The following DMD variants were observed in gnomAD, a reference collection of about 807,000 sequenced individuals.
The protein encoded by DMD is mutant dystrophin.
A neutral mutation model predicts 330.1 loss-of-function variants in DMD; 63 were observed. That is an observed-to-expected ratio of 0.19 (90% CI 0.16 to 0.24). The LOEUF (loss-of-function observed/expected upper bound fraction) is 0.24, where lower values mean the gene tolerates loss of function less well. Ranked by LOEUF, DMD falls within the 10% of genes least tolerant of loss-of-function variation. The probability of loss-of-function intolerance (pLI) is 1.00; values close to 1 mark genes in which losing one functional copy is unlikely to be tolerated. For missense variants in DMD, 3,344 were observed against 2,684.1 expected (o/e 1.25, Z -5.43); for synonymous variants, 1,223 against 959.8 (o/e 1.27, Z -5.07).
intron 2 of DMD, among the ~76,000 whole-genome samples, chrX:32,920,109 A>G (rs2088248433): frequency 8.9e-6 from 1 of 111,828 alleles, no homozygotes; most frequent in Admixed American, 9.6e-5. Context: ...ATGGATAAAG[A>G]TAATCACTAT....
intron 60 of DMD, among the ~76,000 whole-genome samples, chrX:31,384,016 A>G (rs763968304): frequency 8.9e-6 from 1 of 112,160 alleles, no homozygotes; most frequent in South Asian, 3.7e-4. Flanking sequence ...TGAGCTGTTA[A>G]CACTTAAGCC....
rs2097091480 is a variant in DMD, at chrX:32,210,925, C to A, written c.6438+5991G>T. On this transcript the variant is annotated intron_variant, in intron 44 of 78. Coordinates refer to ENST00000357033, the MANE Select transcript of DMD (RefSeq NM_004006.3). The stretch of plus-strand genomic sequence containing the variant: ...TTGTCTCAAACTTTTGAGCAGGAGT[C>A]ACTCCAACTCCATTGTGCTCTCTGA... Among the ~76,000 whole-genome samples, 4 of 111,705 alleles carry A rather than the reference C, an allele frequency of 3.6e-5. No individual in the cohort carries two copies. The South Asian group carries it at 1.5e-3, about 42-fold the overall frequency.
At chrX:33,078,285 T>G (rs1423437669) in intron 1 of DMD, among the ~76,000 whole-genome samples, 1 of 112,057 alleles carries the variant, frequency 8.9e-6, no homozygotes, top group East Asian at 2.8e-4. Context: ...CTTTGATTCT[T>G]TAAAGGAAGC....
intron 42 of DMD, among the ~76,000 whole-genome samples, 182 bp from the exon 43 acceptor site, chrX:32,287,883 A>T (rs757319385): frequency 1.6e-3 from 182 of 110,571 alleles, no homozygotes; most frequent in African/African-American, 4.7e-3. Flanking sequence ...TCAATAGGTA[A>T]ATCACAGACC....
intron 21 of DMD, among the ~76,000 whole-genome samples, chrX:32,483,820 C>CGAA (rs1557379898): frequency 2.7e-5 from 1 of 37,269 alleles, no homozygotes; most frequent in Non-Finnish European, 4.3e-5. Context: ...CTCTGAAGTA[C>CGAA]AAAAAAAAAA....
chrX:32,363,660 C>T (rs1226961184), intron 36 of DMD, among the ~76,000 whole-genome samples: 1 of 111,814 alleles, frequency 8.9e-6, no homozygotes, highest in African/African-American at 3.2e-5. Context: ...TCAAAATAAG[C>T]TTCAGACAAT....
At position 32,730,363 on chromosome X, in the gene DMD, T is replaced by C. The variant is rs149621371; in HGVS notation, c.650-31070A>G. 1.9e-4 allele frequency among the ~76,000 whole-genome samples: 21 copies of C among 111,862 alleles called. No individual in the cohort carries two copies. The East Asian group carries it at 5.3e-3, about 28-fold the overall frequency. Reference sequence around the variant, plus strand: ...CTTGTCTCTTAAAATAAATAAAATGTAATGGTGCCATAAGTAAATGCATAG... The same window carrying C: ...CTTGTCTCTTAAAATAAATAAAATGCAATGGTGCCATAAGTAAATGCATAG... On this transcript the variant is annotated intron_variant, in intron 7 of 78. Coordinates refer to ENST00000357033, the MANE Select transcript of DMD (RefSeq NM_004006.3).
intron 43 of DMD, among the ~76,000 whole-genome samples, chrX:32,251,075 G>T (rs1440189529): frequency 2.7e-5 from 3 of 110,143 alleles, no homozygotes; most frequent in Non-Finnish European, 3.8e-5. Context: ...AGCATTAGGA[G>T]AAATACCTAA....
rs976782785 is a variant in DMD at position 31,658,095 on chromosome X, T to G, written c.7922A>C (p.Asn2641Thr). The G allele has an allele frequency of 8.3e-7, 1 of 1,211,966 alleles. No homozygotes were observed. The highest frequency in any genetic ancestry group is 3.0e-5 in the East Asian group (1 of 33,863). ...CCGGAGAAGTTTCAGGGCCAAGTCA[T>G]TTGCCACATCTACATTTGTCTGCCA... Reference protein sequence around the residue: ...RQWQTNVDVANDLALKLLRDY... With the variant: ...RQWQTNVDVATDLALKLLRDY... Residue 2641 changes from asparagine to threonine, a missense_variant, in exon 54 of 79, where the codon AAT (asparagine) becomes ACT (threonine). Physicochemically the swap from Asn to Thr is moderately conservative, Grantham distance 65. Coordinates refer to ENST00000357033, the MANE Select transcript of DMD (RefSeq NM_004006.3).
At chrX:31,691,471 T>A (rs1368697873) in intron 52 of DMD, among the ~76,000 whole-genome samples, 1 of 110,946 alleles carries the variant, frequency 9.0e-6, no homozygotes, top group East Asian at 2.8e-4. Context: ...AACTCTCCAA[T>A]CAAAAGGCAT....
chrX:32,003,028 C>A (rs1249323630), intron 44 of DMD, among the ~76,000 whole-genome samples: 2 of 111,723 alleles, frequency 1.8e-5, no homozygotes, highest in Admixed American at 1.9e-4. Flanking sequence ...TTTTCTCCTT[C>A]AGAGCATATT....
rs1315001276 is a variant in DMD at position 32,565,845 on chromosome X, T to C, written c.1849A>G (p.Met617Val). 7 of 1,209,950 alleles carry C rather than the reference T, an allele frequency of 5.8e-6. No homozygotes were observed. Among genetic ancestry groups the C allele is most frequent in the Non-Finnish European group, 7.8e-6 (7 of 895,105 alleles). ...KADLEKKKQS[M>V]GKLYSLKQDL... ...TGTTTGAGTGAATACAGTTTGCCCA[T>C]GGATTGCTTTTTCTTTTCTAGATCC... The change falls in exon 16 of 79, where the codon ATG becomes GTG. Residue 617 changes from methionine (M) to valine (V), a missense_variant. Transcript: ENST00000357033.
At chrX:31,284,607 T>TCTTCTTC (rs61693430) in intron 62 of DMD, among the ~76,000 whole-genome samples, 6 of 102,064 alleles carry the variant, frequency 5.9e-5, no homozygotes, top group East Asian at 3.0e-4. Flanking sequence ...TTCTTCTTCT[T>TCTTCTTC]TTTTTTGGCA....
chrX:32,966,525 T>G (rs373842299), intron 2 of DMD, among the ~76,000 whole-genome samples: 6 of 111,916 alleles, frequency 5.4e-5, no homozygotes, highest in African/African-American at 1.6e-4. Context: ...GTCCAGCAAC[T>G]CTACTATGCC....
chrX:32,247,005 C>A (rs961980980), intron 43 of DMD, among the ~76,000 whole-genome samples: 1 of 111,509 alleles, frequency 9.0e-6, no homozygotes. Context: ...ACCAAATAAC[C>A]AGGATATCTA....
intron 16 of DMD, among the ~76,000 whole-genome samples, chrX:32,563,619 G>C (rs1365960447): frequency 9.0e-6 from 1 of 111,443 alleles, no homozygotes; most frequent in South Asian, 3.7e-4. Context: ...CAATTGCCTA[G>C]GTGGTGGTCT....
At chrX:32,309,309 T>C (rs1281625646) in intron 42 of DMD, among the ~76,000 whole-genome samples, 1 of 111,671 alleles carries the variant, frequency 9.0e-6, no homozygotes, top group African/African-American at 3.2e-5. Context: ...CTTTTGCCTA[T>C]AATCACATAC....
intron 13 of DMD, among the ~76,000 whole-genome samples, chrX:32,579,964 TTTG>T (rs1239710662): frequency 1.8e-5 from 2 of 111,998 alleles, no homozygotes; most frequent in Non-Finnish European, 3.8e-5. Flanking sequence ...GGAAAAGCCT[TTTG>T]TTGTTGTCAC....
intron 67 of DMD, among the ~76,000 whole-genome samples, chrX:31,185,360 A>G (rs1408040583): frequency 2.7e-5 from 3 of 111,265 alleles, no homozygotes; most frequent in Non-Finnish European, 5.7e-5. Context: ...ATTTCTCTGA[A>G]CAGGACTTCC....
Sources: allele counts gnomAD v4.1 joint callset (sites outside exome capture counted in the v4.1 genomes callset), GRCh38; gene constraint gnomAD v4.1.1; transcripts MANE v1.5; gene names NCBI Gene and HGNC (gene_info 2026-07-23, HGNC 2026-07-21).